KCNIP4: variants seen among roughly 807,000 people sequenced by gnomAD.
The protein encoded by KCNIP4 is Kv channel-interacting protein 4.
In KCNIP4, 12 loss-of-function variants were observed where a neutral mutation model predicts 34.0. The observed-to-expected ratio is 0.35, with a 90% CI of 0.23 to 0.57. The LOEUF (loss-of-function observed/expected upper bound fraction) is 0.57. Among genes scored for constraint, KCNIP4 ranks in the 20% least tolerant of loss-of-function variants. KCNIP4 has a pLI of 0.83. For missense variants in KCNIP4, 238 were observed against 311.7 expected (o/e 0.76, Z 1.78); for synonymous variants, 124 against 102.2 (o/e 1.21, Z -1.29).
intron 1 of KCNIP4, among the ~76,000 whole-genome samples, chr4:20,930,878 G>A (rs1730392780): frequency 6.6e-6 from 1 of 151,664 alleles, no homozygotes; most frequent in African/African-American, 2.4e-5. Context: ...TGGTGAGAGT[G>A]TGGGGAAAAG....
chr4:20,954,380 T>G (rs866091963), intron 1 of KCNIP4, among the ~76,000 whole-genome samples: 8 of 152,196 alleles, frequency 5.3e-5, no homozygotes, highest in African/African-American at 1.9e-4. Flanking sequence ...ATTACATTAG[T>G]GTTTGTTGAT....
rs908617101 is a variant in KCNIP4, at chr4:20,824,684, A to C, written c.288+25859T>G. Among the ~76,000 whole-genome samples the C allele has an allele frequency of 2.6e-5, 4 of 152,312 alleles. No homozygotes were observed. In the East Asian group the frequency reaches 7.7e-4, roughly 29 times the overall value. ...ACAGAGCGAGACTCCATCTCAAAAAAAATGTGATTCTTCGACATTTATGTT... is the reference window on the plus strand; with the variant it reads ...ACAGAGCGAGACTCCATCTCAAAAACAATGTGATTCTTCGACATTTATGTT... On this transcript the variant is annotated intron_variant, in intron 3 of 8. Coordinates refer to ENST00000382152, the MANE Select transcript of KCNIP4 (RefSeq NM_025221.6).
rs376349240 is a variant in KCNIP4, at chr4:21,515,118, C to T, written c.61+433453G>A. Among the ~76,000 whole-genome samples the T allele has an allele frequency of 1.6e-3, 236 of 152,204 alleles. 10 individuals carry two copies. In the South Asian group the frequency reaches 0.042, roughly 27 times the overall value. On this transcript the variant is annotated intron_variant, in intron 1 of 8. Coordinates refer to ENST00000382152, the MANE Select transcript of KCNIP4 (RefSeq NM_025221.6). ...CTTCCTTCTTTACCAAGCTGGTTTC[C>T]ACTTATCCTTTAGGTTGGTGCTTAA...
intron 1 of KCNIP4, among the ~76,000 whole-genome samples, chr4:21,240,515 C>T (rs573187132): frequency 5.9e-5 from 9 of 152,152 alleles, no homozygotes; most frequent in Non-Finnish European, 1.3e-4. Context: ...CCAGTCTCAT[C>T]AGCAAGTTAC....
At chr4:21,568,741 C>T (rs1740116695) in intron 1 of KCNIP4, among the ~76,000 whole-genome samples, 1 of 152,088 alleles carries the variant, frequency 6.6e-6, no homozygotes, top group Non-Finnish European at 1.5e-5. Flanking sequence ...CTATGGGCTT[C>T]CCAACTTTTG....
rs1186218769 is a variant in KCNIP4, at chr4:21,928,121, T to TAC, written c.61+20449_61+20450insGT. On this transcript the variant is annotated intron_variant, in intron 1 of 8. Transcript: ENST00000382152. Reference sequence around the variant, plus strand: ...GTCCAGATTAGACTATATATATATATATATATACACACACACACACACACA... The same window carrying TAC: ...GTCCAGATTAGACTATATATATATATACATATATACACACACACACACACACA... 1.5e-3 allele frequency among the ~76,000 whole-genome samples: 191 copies of TAC among 127,274 alleles called. 1 individual carries two copies. Among genetic ancestry groups the TAC allele is most frequent in the Middle Eastern group, 0.012 (3 of 246 alleles). The allele number at this position is 127,274 out of a possible 152,430, so 83.5% of individuals were successfully genotyped here.
At chr4:21,609,749 T>C (rs1744004629) in intron 1 of KCNIP4, among the ~76,000 whole-genome samples, 1 of 152,212 alleles carries the variant, frequency 6.6e-6, no homozygotes, top group Non-Finnish European at 1.5e-5. Flanking sequence ...TGAGTTATAC[T>C]TGACTACAAA....
intron 1 of KCNIP4, among the ~76,000 whole-genome samples, chr4:21,464,451 T>C (rs886491870): frequency 6.6e-6 from 1 of 152,092 alleles, no homozygotes; most frequent in African/African-American, 2.4e-5. Context: ...TTTCAGACCA[T>C]TGATTACTCA....
intron 1 of KCNIP4, among the ~76,000 whole-genome samples, chr4:20,902,319 A>T (rs1387553517): frequency 6.6e-6 from 1 of 152,062 alleles, no homozygotes; most frequent in Non-Finnish European, 1.5e-5. Context: ...CTGTGCAGGG[A>T]TGCTGGAAAC....
At chr4:20,931,631 T>A (rs975747796) in intron 1 of KCNIP4, among the ~76,000 whole-genome samples, 1 of 152,146 alleles carries the variant, frequency 6.6e-6, no homozygotes, top group African/African-American at 2.4e-5. Context: ...TATAATCTTA[T>A]GGGACTACCA....
At chr4:21,653,472 C>G (rs1747673551) in intron 1 of KCNIP4, among the ~76,000 whole-genome samples, 1 of 152,152 alleles carries the variant, frequency 6.6e-6, no homozygotes, top group African/African-American at 2.4e-5. Flanking sequence ...TAAATATGCT[C>G]TCAATTGTGC....
chr4:21,944,414 G>T lies in KCNIP4; in HGVS notation c.61+4157C>A, dbSNP rs139579574. ...CAAAAAGAAAAAAAAAATTAGTCGG[G>T]CATGGTGGCGGGTGCACCCGTGATC... On this transcript the variant is annotated intron_variant, in intron 1 of 8. Transcript: ENST00000382152. Among the ~76,000 whole-genome samples the T allele has an allele frequency of 8.1e-3, 1,225 of 151,856 alleles. 15 individuals are homozygous for T. The highest frequency in any genetic ancestry group is 0.028 in the African/African-American group (1,148 of 41,402).
chr4:21,790,455 A>G (rs1314549350), intron 1 of KCNIP4, among the ~76,000 whole-genome samples: 2 of 152,140 alleles, frequency 1.3e-5, no homozygotes, highest in Non-Finnish European at 2.9e-5. Flanking sequence ...GGAATTTCGG[A>G]GGCTTTAGAG....
chr4:20,927,520 C>T (rs1730021080), intron 1 of KCNIP4, among the ~76,000 whole-genome samples: 1 of 152,156 alleles, frequency 6.6e-6, no homozygotes, highest in Admixed American at 6.6e-5. Flanking sequence ...GAAGACTATA[C>T]TCGCTTACAT....
At chr4:20,897,384 C>T (rs374498812) in intron 1 of KCNIP4, among the ~76,000 whole-genome samples, 2 of 152,094 alleles carry the variant, frequency 1.3e-5, no homozygotes, top group East Asian at 3.9e-4. Flanking sequence ...TCCCTTGCCA[C>T]CAACTCAGTG....
In KCNIP4 at chr4:21,409,317, T is replaced by A. The variant is rs181033709; in HGVS notation, c.62-526608A>T. On this transcript the variant is annotated intron_variant, in intron 1 of 8. Transcript: ENST00000382152. ...TATTTTGGAGAGGCAGGGGTCTCAC[T>A]ATGTTTCCCAGGTTGGTCTCAAACT... Among the ~76,000 whole-genome samples the A allele has an allele frequency of 4.7e-3, 707 of 151,904 alleles. 7 individuals are homozygous for A. The highest frequency in any genetic ancestry group is 0.016 in the African/African-American group (667 of 41,474).
intron 1 of KCNIP4, among the ~76,000 whole-genome samples, chr4:21,353,480 C>T (rs531481085): frequency 6.6e-6 from 1 of 152,166 alleles, no homozygotes; most frequent in East Asian, 1.9e-4. Flanking sequence ...AACACCATGG[C>T]CCAAGAACTT....
chr4:21,830,365 G>T (rs1014168327), intron 1 of KCNIP4, among the ~76,000 whole-genome samples: 1 of 152,098 alleles, frequency 6.6e-6, no homozygotes, highest in Non-Finnish European at 1.5e-5. Context: ...AAGGAAGGTA[G>T]ATTTTAATAC....
At chr4:21,723,663 C>T (rs765838800) in intron 1 of KCNIP4, among the ~76,000 whole-genome samples, 1 of 152,084 alleles carries the variant, frequency 6.6e-6, no homozygotes, top group Admixed American at 6.6e-5. Flanking sequence ...AATTAATACA[C>T]GTAAATTCCT....
Sources: allele counts gnomAD v4.1 joint callset (sites outside exome capture counted in the v4.1 genomes callset), GRCh38; gene constraint gnomAD v4.1.1; transcripts MANE v1.5; gene names NCBI Gene and HGNC (gene_info 2026-07-23, HGNC 2026-07-21).